Variants in STT3B observed in about 807,000 individuals in gnomAD.
The protein encoded by STT3B is STT3 oligosaccharyltransferase complex catalytic subunit B, also known as dolichyl-diphosphooligosaccharide--protein glycosyltransferase subunit STT3B.
Under a neutral mutation model 96.8 loss-of-function variants are expected in STT3B, and 29 were observed. The observed-to-expected ratio is 0.30, with a 90% CI of 0.22 to 0.41. STT3B has a LOEUF of 0.41. Ranked by LOEUF, STT3B falls within the 10% of genes least tolerant of loss-of-function variation. STT3B has a pLI of 1.00. For missense variants in STT3B, 640 were observed against 1,022.3 expected, an observed-to-expected ratio of 0.63 and a Z score of 5.10; for synonymous variants, 367 against 360.0, an observed-to-expected ratio of 1.02 and a Z score of -0.22.
intron 3 of STT3B, among the ~76,000 whole-genome samples, chr3:31,583,382 G>T (rs1698456753): frequency 6.6e-6 from 1 of 151,782 alleles, no homozygotes; most frequent in Non-Finnish European, 1.5e-5. Flanking sequence ...TGTTGCCCAG[G>T]CTGGTCTTGA....
intron 1 of STT3B, among the ~76,000 whole-genome samples, chr3:31,547,709 C>A (rs951869769): frequency 2.0e-5 from 3 of 152,210 alleles, no homozygotes; most frequent in Non-Finnish European, 4.4e-5. Context: ...TGCCACAGAA[C>A]AATTCTGAAT....
intron 1 of STT3B, among the ~76,000 whole-genome samples, chr3:31,573,959 A>G (rs1698211651): frequency 6.6e-6 from 1 of 152,144 alleles, no homozygotes; most frequent in Non-Finnish European, 1.5e-5. Context: ...AGCCAAAGGA[A>G]GAATGATTTG....
At chr3:31,554,246 G>A (rs1323501073) in intron 1 of STT3B, among the ~76,000 whole-genome samples, 2 of 152,042 alleles carry the variant, frequency 1.3e-5, no homozygotes, top group Non-Finnish European at 2.9e-5. Context: ...TATTAATCTT[G>A]TTTTCTTGTG....
intron 1 of STT3B, among the ~76,000 whole-genome samples, chr3:31,535,554 T>C (rs949317306): frequency 2.0e-5 from 3 of 151,964 alleles, no homozygotes; most frequent in Admixed American, 6.6e-5. Flanking sequence ...TGAAACCCCC[T>C]CTCTACTAAA....
intron 1 of STT3B, among the ~76,000 whole-genome samples, chr3:31,536,702 AT>A (rs1181655024): frequency 4.6e-5 from 7 of 152,188 alleles, no homozygotes; most frequent in African/African-American, 1.4e-4. Flanking sequence ...ATTTAGCAAC[AT>A]TTTTGGTAAC....
At chr3:31,583,303 C>CT (rs1049078560) in intron 3 of STT3B, among the ~76,000 whole-genome samples, 11 of 151,192 alleles carry the variant, frequency 7.3e-5, no homozygotes, top group South Asian at 2.1e-4. Context: ...CTTTTGTAAC[C>CT]TTTTTTTTAA....
intron 5 of STT3B, among the ~76,000 whole-genome samples, chr3:31,607,201 T>G (rs1162937558): frequency 6.6e-6 from 1 of 152,128 alleles, no homozygotes; most frequent in Non-Finnish European, 1.5e-5. Context: ...CTTTGGACTG[T>G]GGGTTTTTGT....
intron 7 of STT3B, among the ~76,000 whole-genome samples, chr3:31,617,470 A>C (rs1699333598): frequency 6.6e-6 from 1 of 152,008 alleles, no homozygotes; most frequent in Admixed American, 6.6e-5. Flanking sequence ...CCTTAGAAAC[A>C]AATTGAATTC....
At chr3:31,624,862 C>T in intron 11 of STT3B, 52 bp from the exon 12 acceptor site, 1 of 1,421,948 alleles carries the variant, frequency 7.0e-7, no homozygotes, top group Non-Finnish European at 9.7e-7. Flanking sequence ...TTTAAGTTAG[C>T]CTCTTCACAT....
intron 1 of STT3B, among the ~76,000 whole-genome samples, chr3:31,548,855 A>T (rs1318434159): frequency 6.6e-6 from 1 of 152,186 alleles, no homozygotes; most frequent in Non-Finnish European, 1.5e-5. Flanking sequence ...TATTCCAGAA[A>T]TTACACTTCT....
intron 1 of STT3B, among the ~76,000 whole-genome samples, chr3:31,543,612 C>G (rs180983741): frequency 6.6e-6 from 1 of 152,156 alleles, no homozygotes; most frequent in African/African-American, 2.4e-5. Context: ...TCAGTAAGAT[C>G]ACATGTGCAG....
chr3:31,633,274 AC>A lies in STT3B; in HGVS notation c.2400+128del, dbSNP rs917176529. On this transcript the variant is annotated intron_variant, in intron 15 of 15. Coordinates refer to ENST00000295770, the MANE Select transcript of STT3B (RefSeq NM_178862.3). ...TAAAGACTATGGCTTCTATATTAAT[AC>A]GAAGTAAATATCAGCCTAGCCTGCT... The A allele has an allele frequency of 1.2e-4, 102 of 816,104 alleles. No homozygotes were observed. In the African/African-American group the frequency reaches 1.7e-3, roughly 13 times the overall value. The allele number at this position is 816,104 out of a possible 1,614,324, so 50.6% of individuals were successfully genotyped here.
chr3:31,597,652 C>T (rs953463816), intron 4 of STT3B, among the ~76,000 whole-genome samples: 1 of 151,954 alleles, frequency 6.6e-6, no homozygotes, highest in African/African-American at 2.4e-5. Flanking sequence ...AGAGACAGAT[C>T]CTCACTCTGT....
chr3:31,598,890 G>C (rs1698856469), intron 4 of STT3B, among the ~76,000 whole-genome samples: 1 of 151,448 alleles, frequency 6.6e-6, no homozygotes, highest in Non-Finnish European at 1.5e-5. Flanking sequence ...GCTCACTGCA[G>C]TCTCTGCCTC....
intron 5 of STT3B, among the ~76,000 whole-genome samples, chr3:31,605,658 CCT>C (rs1428158495): frequency 2.0e-5 from 3 of 152,210 alleles, no homozygotes; most frequent in African/African-American, 7.2e-5. Context: ...ATCCATTAAA[CCT>C]CTTTTTCTTT....
intron 1 of STT3B, among the ~76,000 whole-genome samples, chr3:31,562,416 G>A (rs932542555): frequency 6.6e-6 from 1 of 152,146 alleles, no homozygotes; most frequent in African/African-American, 2.4e-5. Flanking sequence ...TGGACTTAGT[G>A]AGGTGATCAC....
At chr3:31,539,411 T>C (rs1697176872) in intron 1 of STT3B, among the ~76,000 whole-genome samples, 1 of 152,194 alleles carries the variant, frequency 6.6e-6, no homozygotes, top group African/African-American at 2.4e-5. Context: ...TAACATCTTT[T>C]ATTTCCATAG....
intron 5 of STT3B, among the ~76,000 whole-genome samples, chr3:31,611,383 A>C (rs1699176162): frequency 6.6e-6 from 1 of 152,220 alleles, no homozygotes; most frequent in African/African-American, 2.4e-5. Context: ...TATATTGACC[A>C]TACTCAAGTT....
chr3:31,566,990 T>A (rs1575417323), intron 1 of STT3B, among the ~76,000 whole-genome samples: 1 of 152,194 alleles, frequency 6.6e-6, no homozygotes, highest in East Asian at 1.9e-4. Context: ...TAACCACCTT[T>A]AGAGGCACAT....
Sources: gnomAD v4.1 joint callset for allele counts (sites outside exome capture counted in the v4.1 genomes callset) on GRCh38, gnomAD v4.1.1 for gene constraint, MANE v1.5 for transcripts, NCBI Gene and HGNC (gene_info 2026-07-23, HGNC 2026-07-21) for gene names.